SNTB1: variants seen among roughly 807,000 people sequenced by gnomAD.
SNTB1 encodes syntrophin beta 1, also known as beta-1-syntrophin.
A neutral mutation model predicts 48.9 loss-of-function variants in SNTB1; 36 were observed. The ratio of observed to expected loss-of-function variants is 0.74; its 90% CI spans 0.56 to 0.97. SNTB1 has a LOEUF of 0.97. Among genes scored for constraint, SNTB1 ranks in the 50% least tolerant of loss-of-function variants. The pLI is 0.00. For missense variants in SNTB1, 786 were observed against 703.4 expected (o/e 1.12, Z -1.33); for synonymous variants, 299 against 294.6 (o/e 1.01, Z -0.15).
At chr8:120,745,213 G>T (rs376796838) in intron 1 of SNTB1, among the ~76,000 whole-genome samples, 4 of 152,190 alleles carry the variant, frequency 2.6e-5, no homozygotes, top group African/African-American at 9.6e-5. Context: ...TTCCCTGACT[G>T]CAGCTTTCAT....
intron 2 of SNTB1, among the ~76,000 whole-genome samples, chr8:120,671,947 C>T (rs981069385): frequency 3.9e-5 from 6 of 152,116 alleles, no homozygotes; most frequent in South Asian, 2.1e-4. Flanking sequence ...TATAGTGGTT[C>T]GACTTAGGAT....
chr8:120,677,676 T>C (rs1185112170), intron 2 of SNTB1, among the ~76,000 whole-genome samples: 1 of 152,156 alleles, frequency 6.6e-6, no homozygotes, highest in Non-Finnish European at 1.5e-5. Flanking sequence ...GTCCCAGGCA[T>C]TAGGCAGATG....
At chr8:120,580,947 G>A (rs4871072) in intron 3 of SNTB1, among the ~76,000 whole-genome samples, 102,463 of 151,738 alleles carry the variant, frequency 0.68, 35,164 homozygotes, top group Admixed American at 0.74. Context: ...AGAGCTGGTT[G>A]GCATGCTGGC....
rs1197199252 is a variant in SNTB1 at position 120,811,401 on chromosome 8, G to A, written c.443C>T (p.Ala148Val). ...CACGTACAGGGCTTGGGTCTGGTCC[G>A]CCGCCAGCCCCTTGAAGATCTTGCT... ...LISKIFKGLAADQTQALYVGD... is the reference protein window; with the variant it reads ...LISKIFKGLAVDQTQALYVGD... The change falls in exon 1 of 7, where the codon GCG becomes GTG. Residue 148 changes from alanine to valine, a missense_variant. Transcript: ENST00000517992. The A allele has an allele frequency of 1.2e-6, 2 of 1,613,976 alleles. No individual in the cohort carries two copies. The highest frequency in any genetic ancestry group is 2.2e-5 in the East Asian group (1 of 44,876).
intron 1 of SNTB1, among the ~76,000 whole-genome samples, chr8:120,755,112 TA>T (rs1819290618): frequency 6.6e-6 from 1 of 151,360 alleles, no homozygotes; most frequent in African/African-American, 2.4e-5. Flanking sequence ...ACACAGTGCG[TA>T]AATGTTGAGT....
intron 1 of SNTB1, among the ~76,000 whole-genome samples, chr8:120,795,584 T>C (rs1820108395): frequency 6.6e-6 from 1 of 152,090 alleles, no homozygotes; most frequent in Non-Finnish European, 1.5e-5. Flanking sequence ...CCCTATTAAC[T>C]TCTAATGAAA....
chr8:120,608,628 C>T (rs1816566126), intron 3 of SNTB1, among the ~76,000 whole-genome samples: 1 of 152,164 alleles, frequency 6.6e-6, no homozygotes, highest in Admixed American at 6.5e-5. Context: ...TGTTATTTAA[C>T]CCACTCAGTC....
At chr8:120,592,769 G>A (rs1816263888) in intron 3 of SNTB1, among the ~76,000 whole-genome samples, 1 of 152,118 alleles carries the variant, frequency 6.6e-6, no homozygotes, top group Non-Finnish European at 1.5e-5. Context: ...GCATATATAA[G>A]AGCTCTGTTG....
At chr8:120,583,221 C>G (rs1419711727) in intron 3 of SNTB1, among the ~76,000 whole-genome samples, 1 of 152,080 alleles carries the variant, frequency 6.6e-6, no homozygotes, top group Non-Finnish European at 1.5e-5. Context: ...ACTGGAACAG[C>G]TGGGGATGGT....
chr8:120,580,488 C>A (rs1050361928), intron 3 of SNTB1, among the ~76,000 whole-genome samples: 1 of 152,088 alleles, frequency 6.6e-6, no homozygotes, highest in African/African-American at 2.4e-5. Flanking sequence ...GGTAAACTGC[C>A]CCAGTTGCTC....
intron 1 of SNTB1, among the ~76,000 whole-genome samples, chr8:120,731,360 C>A (rs959197510): frequency 1.8e-4 from 27 of 152,130 alleles, no homozygotes; most frequent in Non-Finnish European, 2.9e-4. Context: ...ACAGGAAACA[C>A]ACGTGTTCTG....
At chr8:120,777,557 C>T (rs1474721265) in intron 1 of SNTB1, among the ~76,000 whole-genome samples, 1 of 152,198 alleles carries the variant, frequency 6.6e-6, no homozygotes, top group African/African-American at 2.4e-5. Flanking sequence ...TTCAGATTCA[C>T]AGCCCTTAGA....
rs76831063 is a variant in SNTB1 at position 120,703,781 on chromosome 8, G to A, written c.572-9873C>T. On this transcript the variant is annotated intron_variant, in intron 1 of 6. Coordinates refer to ENST00000517992, the MANE Select transcript of SNTB1 (RefSeq NM_021021.4). ...GAAGGCCAGGGTGGACCCACGGGCT[G>A]TAGTCTGCCAACTCCAGCTTTAAAA... Among the ~76,000 whole-genome samples the A allele has an allele frequency of 3.6e-3, 543 of 152,332 alleles. 4 individuals carry two copies. The highest frequency in any genetic ancestry group is 0.012 in the African/African-American group (505 of 41,576).
chr8:120,674,611 T>G (rs763012784), intron 2 of SNTB1, among the ~76,000 whole-genome samples: 12 of 151,980 alleles, frequency 7.9e-5, no homozygotes, highest in Admixed American at 2.0e-4. Context: ...ATGCGGTTTG[T>G]TTTTTTTCCT....
At chr8:120,670,908 A>C (rs1312826826) in intron 2 of SNTB1, among the ~76,000 whole-genome samples, 1 of 152,256 alleles carries the variant, frequency 6.6e-6, no homozygotes, top group Non-Finnish European at 1.5e-5. Flanking sequence ...AAAAGACTGA[A>C]GCCCAGAGAC....
chr8:120,605,351 A>G (rs1816496390), intron 3 of SNTB1, among the ~76,000 whole-genome samples: 2 of 151,238 alleles, frequency 1.3e-5, no homozygotes, highest in Admixed American at 1.3e-4. Flanking sequence ...TCCATTTCCT[A>G]TGGAGACATC....
chr8:120,784,874 G>A (rs888154865), intron 1 of SNTB1, among the ~76,000 whole-genome samples: 8 of 152,220 alleles, frequency 5.3e-5, no homozygotes, highest in African/African-American at 1.4e-4. Flanking sequence ...GAGAAAAACT[G>A]AGTCTGCAGA....
At chr8:120,551,573 A>C (rs2130655201) in intron 4 of SNTB1, among the ~76,000 whole-genome samples, 1 of 151,946 alleles carries the variant, frequency 6.6e-6, no homozygotes, top group South Asian at 2.1e-4. Flanking sequence ...AAAAATGCAA[A>C]AAATCAGCTG....
intron 1 of SNTB1, among the ~76,000 whole-genome samples, chr8:120,772,004 G>C (rs1819643826): frequency 6.6e-6 from 1 of 151,918 alleles, no homozygotes. Context: ...CAAGTAACTG[G>C]GTCTACAGGC....
Sources: allele counts gnomAD v4.1 joint callset (sites outside exome capture counted in the v4.1 genomes callset), GRCh38; gene constraint gnomAD v4.1.1; transcripts MANE v1.5; gene names NCBI Gene and HGNC (gene_info 2026-07-23, HGNC 2026-07-21).